The following JPH2 variants were observed in gnomAD, a reference collection of about 807,000 sequenced individuals.
JPH2 encodes the protein junctophilin-2.
A neutral mutation model predicts 55.9 loss-of-function variants in JPH2; 38 were observed. The observed-to-expected ratio is 0.68, with a 90% CI of 0.52 to 0.89. The LOEUF (loss-of-function observed/expected upper bound fraction) is 0.89. JPH2 is among the 40% of genes least tolerant of loss of function. The pLI, the probability that JPH2 is intolerant of heterozygous loss-of-function variation, is 0.00. For missense variants in JPH2, 964 were observed against 1,037.6 expected, an observed-to-expected ratio of 0.93 and a Z score of 0.97; for synonymous variants, 480 against 472.4, an observed-to-expected ratio of 1.02 and a Z score of -0.21.
intron 3 of JPH2, among the ~76,000 whole-genome samples, chr20:44,116,718 CGT>C: frequency 6.6e-6 from 1 of 152,212 alleles, no homozygotes; most frequent in African/African-American, 2.4e-5. Context: ...CTTTGGCACG[CGT>C]CTCTTTCCAT....
At position 44,112,819 on chromosome 20, in the gene JPH2, C is replaced by T. The variant is rs1411187069; in HGVS notation, c.*699G>A. On this transcript the variant is annotated 3_prime_UTR_variant, in exon 6 of 6. Transcript: ENST00000372980. ...CCTGGCCACCTGGTCAGTGGCTTCC[C>T]AGCCAGAGGATCCATGGGGTCTCCC... The T allele has an allele frequency of 6.6e-6, 1 of 152,468 alleles. No individual in the cohort carries two copies. Among genetic ancestry groups the T allele is most frequent in the Non-Finnish European group, 1.5e-5 (1 of 68,236 alleles). The allele number at this position is 152,468 out of a possible 1,614,324, so 9.4% of individuals were successfully genotyped here.
At chr20:44,185,787 G>A (rs781031548) in intron 1 of JPH2, among the ~76,000 whole-genome samples, 28 of 151,546 alleles carry the variant, frequency 1.8e-4, no homozygotes, top group Admixed American at 6.6e-5. Flanking sequence ...GCATGAATGC[G>A]TGGGTGGGTA....
chr20:44,179,597 AG>A (rs2072764050), intron 1 of JPH2, among the ~76,000 whole-genome samples: 1 of 152,168 alleles, frequency 6.6e-6, no homozygotes, highest in Non-Finnish European at 1.5e-5. Flanking sequence ...AGCACTCAGA[AG>A]GGCCCTGCGT....
intron 2 of JPH2, among the ~76,000 whole-genome samples, chr20:44,129,179 C>T (rs748234105): frequency 9.9e-5 from 15 of 152,186 alleles, no homozygotes; most frequent in Non-Finnish European, 2.2e-4. Flanking sequence ...ATCCCCCAGC[C>T]TCCAGCTGGA....
chr20:44,171,498 C>A (rs2072697891), intron 1 of JPH2, among the ~76,000 whole-genome samples: 1 of 152,132 alleles, frequency 6.6e-6, no homozygotes. Flanking sequence ...GGATGAAGTT[C>A]AAGCTCCTCA....
At chr20:44,130,247 T>TGC (rs1363992860) in intron 2 of JPH2, among the ~76,000 whole-genome samples, 4 of 152,220 alleles carry the variant, frequency 2.6e-5, no homozygotes, top group Non-Finnish European at 4.4e-5. Context: ...TGCTGACCCC[T>TGC]GCATCTGCTG....
In JPH2 at chr20:44,106,946, A is replaced by C. The variant is rs2072112606; in HGVS notation, c.*6572T>G. On this transcript the variant is annotated 3_prime_UTR_variant, in exon 6 of 6. Coordinates refer to ENST00000372980, the MANE Select transcript of JPH2 (RefSeq NM_020433.5). Reference sequence around the variant, plus strand: ...AAAAGCCCAATGGGAGATGCTCTACAAGCAATCCTTGCTCTGGAGCTCCCA... The same window carrying C: ...AAAAGCCCAATGGGAGATGCTCTACCAGCAATCCTTGCTCTGGAGCTCCCA... Among the ~76,000 whole-genome samples the C allele has an allele frequency of 6.6e-6, 1 of 152,046 alleles. No individual in the cohort carries two copies. Among genetic ancestry groups the C allele is most frequent in the Non-Finnish European group, 1.5e-5 (1 of 67,998 alleles).
At chr20:44,127,802 A>G (rs1007866141) in intron 2 of JPH2, among the ~76,000 whole-genome samples, 2 of 151,854 alleles carry the variant, frequency 1.3e-5, no homozygotes, top group African/African-American at 4.8e-5. Flanking sequence ...CTTCGTTTTG[A>G]TTGTTGCCAT....
At chr20:44,164,035 T>C (rs1490513184) in intron 1 of JPH2, among the ~76,000 whole-genome samples, 1 of 152,250 alleles carries the variant, frequency 6.6e-6, no homozygotes, top group African/African-American at 2.4e-5. Context: ...GACCTCTATT[T>C]CATAGGTAGG....
At chr20:44,135,150 C>G (rs1024399466) in intron 2 of JPH2, among the ~76,000 whole-genome samples, 1 of 151,692 alleles carries the variant, frequency 6.6e-6, no homozygotes, top group Non-Finnish European at 1.5e-5. Flanking sequence ...TGTAAACGTT[C>G]CTTCTTATGC....
At chr20:44,177,227 T>G (rs1275061240) in intron 1 of JPH2, 1 of 985,608 alleles carries the variant, frequency 1.0e-6, no homozygotes, top group South Asian at 4.7e-5. Context: ...AGGCAGGAAG[T>G]CTATGGCAGG....
rs1600483494 is a variant in JPH2 at position 44,186,820 on chromosome 20, C to T, written c.-115G>A. 1 of 1,060,538 alleles carries T rather than the reference C, an allele frequency of 9.4e-7. No individual in the cohort carries two copies. Among genetic ancestry groups the T allele is most frequent in the East Asian group, 2.4e-5 (1 of 40,916 alleles). 65.7% of individuals were successfully genotyped at this position (1,060,538 alleles called of 1,614,324 possible). On this transcript the variant is annotated 5_prime_UTR_variant, in exon 1 of 6. Transcript: ENST00000372980. ...GGGCAGGCCCCCAGACTCACCACTGCACCCCAGGAGGGGGGAAGCAGGATG... is the reference window on the plus strand; with the variant it reads ...GGGCAGGCCCCCAGACTCACCACTGTACCCCAGGAGGGGGGAAGCAGGATG...
intron 1 of JPH2, among the ~76,000 whole-genome samples, chr20:44,179,345 T>C (rs2072761691): frequency 2.0e-5 from 3 of 152,324 alleles, no homozygotes; most frequent in East Asian, 1.9e-4. Flanking sequence ...TTTTTTTGCA[T>C]TCACTGCCAG....
chr20:44,118,664 A>G (rs753161757), intron 2 of JPH2, 41 bp from the exon 3 acceptor site: 2 of 1,520,736 alleles, frequency 1.3e-6, no homozygotes, highest in African/African-American at 1.4e-5. Flanking sequence ...ATCCTTCCAG[A>G]GAACCAGCCT....
chr20:44,118,901 T>C (rs183116678), intron 2 of JPH2, among the ~76,000 whole-genome samples: 3 of 152,226 alleles, frequency 2.0e-5, no homozygotes, highest in Admixed American at 2.0e-4. Flanking sequence ...GAAGACATCA[T>C]GTATGCTATT....
intron 2 of JPH2, among the ~76,000 whole-genome samples, chr20:44,147,111 G>A (rs1199310292): frequency 6.6e-6 from 1 of 152,186 alleles, no homozygotes; most frequent in Non-Finnish European, 1.5e-5. Flanking sequence ...ACCCTGTCAA[G>A]AGGAACCAAA....
At chr20:44,140,092 C>T (rs2072444559) in intron 2 of JPH2, among the ~76,000 whole-genome samples, 1 of 152,162 alleles carries the variant, frequency 6.6e-6, no homozygotes, top group Non-Finnish European at 1.5e-5. Context: ...AGGCTGGTCT[C>T]AATCTCCTGA....
At chr20:44,144,263 A>C (rs2072478364) in intron 2 of JPH2, among the ~76,000 whole-genome samples, 1 of 152,184 alleles carries the variant, frequency 6.6e-6, no homozygotes, top group African/African-American at 2.4e-5. Context: ...GGGAAGGATG[A>C]AGCTTAAAGG....
chr20:44,134,699 ACATT>A (rs1433545901), intron 2 of JPH2, among the ~76,000 whole-genome samples: 2 of 52,162 alleles, frequency 3.8e-5, no homozygotes, highest in African/African-American at 1.8e-4. Flanking sequence ...AAATATATAT[ACATT>A]AATATATATT....
Sources: allele counts gnomAD v4.1 joint callset (sites outside exome capture counted in the v4.1 genomes callset), GRCh38; gene constraint gnomAD v4.1.1; transcripts MANE v1.5; gene names NCBI Gene and HGNC (gene_info 2026-07-23, HGNC 2026-07-21).